The following LINGO2 variants were observed in gnomAD, a reference collection of about 807,000 sequenced individuals.
LINGO2 encodes leucine rich repeat and Ig domain containing 2.
A neutral mutation model predicts 30.6 loss-of-function variants in LINGO2; 14 were observed. The ratio of observed to expected loss-of-function variants is 0.46; its 90% confidence interval spans 0.30 to 0.72. The LOEUF is 0.72. Among genes scored for constraint, LINGO2 ranks in the 30% least tolerant of loss-of-function variants. The pLI, the probability that LINGO2 is intolerant of heterozygous loss-of-function variation, is 0.07. For synonymous variants in LINGO2, 317 were observed against 288.5 expected, an observed-to-expected ratio of 1.10 and a Z score of -1.00; for missense variants, 729 against 751.7, an observed-to-expected ratio of 0.97 and a Z score of 0.35.
At chr9:28,418,446 T>C (rs1192284592) in intron 2 of LINGO2, among the ~76,000 whole-genome samples, 1 of 151,906 alleles carries the variant, frequency 6.6e-6, no homozygotes, top group Admixed American at 6.6e-5. Context: ...GCCAGGCTAA[T>C]TTTTGCATTT....
chr9:28,021,384 GTTT>G (rs1823113625), intron 4 of LINGO2, among the ~76,000 whole-genome samples: 1 of 152,082 alleles, frequency 6.6e-6, no homozygotes, highest in Admixed American at 6.5e-5. Flanking sequence ...TCTTATTAAA[GTTT>G]TTGAGGTGTC....
intron 4 of LINGO2, among the ~76,000 whole-genome samples, chr9:28,213,350 G>A (rs1384241844): frequency 1.3e-5 from 2 of 151,462 alleles, no homozygotes; most frequent in African/African-American, 2.4e-5. Context: ...CTGATGTATT[G>A]AGCCAATCTT....
Position 28,148,328 on chromosome 9 carries a change from T to C in LINGO2, c.-86-135923A>G. The C allele has an allele frequency of 3.4e-6, 3 of 892,210 alleles. No individual in the cohort carries two copies. The highest frequency in any genetic ancestry group is 5.3e-6 in the Non-Finnish European group (3 of 560,872). The allele number at this position is 892,210 out of a possible 1,614,324, so 55.3% of individuals were successfully genotyped here. A position where few individuals can be genotyped will look rare whatever the true frequency, so the allele number is the denominator to read the frequency against. On this transcript the variant is annotated intron_variant, in intron 4 of 5. Coordinates refer to ENST00000379992, the Ensembl canonical transcript of LINGO2. The surrounding 1 kb of genome is among the most constrained non-coding windows in gnomAD (Gnocchi z 5.1). ...GCTGTCTGCTCACAACTCCAGGATG[T>C]TTGGACACCTCAGCCCCGTGAGGAT...
chr9:28,404,761 A>G (rs1157845210), intron 2 of LINGO2, among the ~76,000 whole-genome samples: 1 of 152,072 alleles, frequency 6.6e-6, no homozygotes, highest in Non-Finnish European at 1.5e-5. Flanking sequence ...TTGTGTAATC[A>G]TTTTTTGCCA....
chr9:28,767,451 T>C, the LINGO2 span, among the ~76,000 whole-genome samples: 1 of 152,126 alleles, frequency 6.6e-6, no homozygotes, highest in East Asian at 1.9e-4. Flanking sequence ...TATCCAAGTA[T>C]GCATCCTTAG....
intron 5 of LINGO2, among the ~76,000 whole-genome samples, chr9:28,006,891 A>T (rs1328886416): frequency 6.6e-6 from 1 of 151,500 alleles, no homozygotes; most frequent in Admixed American, 6.6e-5. Context: ...TGTAGAGAGC[A>T]GCTAATCCAC....
chr9:29,193,815 C>T, the LINGO2 span, among the ~76,000 whole-genome samples: 2 of 152,314 alleles, frequency 1.3e-5, no homozygotes, highest in East Asian at 3.9e-4. Flanking sequence ...CAACCACTCT[C>T]AGTTTGCTGA....
chr9:28,568,333 G>A (rs1823496157), intron 1 of LINGO2, among the ~76,000 whole-genome samples: 1 of 152,034 alleles, frequency 6.6e-6, no homozygotes, highest in African/African-American at 2.4e-5. Context: ...TGTGGGTAGA[G>A]GGTGGGGTGA....
At chr9:28,784,133 A>C in the LINGO2 span, among the ~76,000 whole-genome samples, 1 of 152,238 alleles carries the variant, frequency 6.6e-6, no homozygotes, top group African/African-American at 2.4e-5. Flanking sequence ...TTTTTAAAAA[A>C]TCAATGTTCT....
chr9:28,611,066 A>T (rs1007389043), intron 1 of LINGO2, among the ~76,000 whole-genome samples: 3 of 152,196 alleles, frequency 2.0e-5, no homozygotes, highest in South Asian at 4.1e-4. Context: ...GCTTCCTGAC[A>T]TAACAGTAGT....
rs1828807559 is a variant in LINGO2 at position 28,666,550 on chromosome 9, T to C, written c.-365+3650A>G. The stretch of plus-strand genomic sequence containing the variant: ...CAACTAAATAATTGTTAGGCTCTAG[T>C]TCAAGGTCAGTTAAATGGCAAAGCA... On this transcript the variant is annotated intron_variant, in intron 1 of 5. Coordinates refer to ENST00000379992, the Ensembl canonical transcript of LINGO2. Among the ~76,000 whole-genome samples the C allele has an allele frequency of 2.6e-5, 4 of 152,180 alleles. No individual in the cohort carries two copies. The South Asian group carries it at 8.3e-4, about 31-fold the overall frequency.
At chr9:28,362,625 C>T (rs369939791) in intron 3 of LINGO2, among the ~76,000 whole-genome samples, 8 of 151,980 alleles carry the variant, frequency 5.3e-5, no homozygotes, top group African/African-American at 9.7e-5. Flanking sequence ...CATGCATCAC[C>T]GCATTTGGCT....
chr9:28,600,888 C>A (rs144919518), intron 1 of LINGO2, among the ~76,000 whole-genome samples: 1 of 152,074 alleles, frequency 6.6e-6, no homozygotes, highest in Admixed American at 6.6e-5. Flanking sequence ...GATACCATGA[C>A]CTTGGCCACA....
intron 2 of LINGO2, among the ~76,000 whole-genome samples, chr9:28,419,439 G>A (rs537790787): frequency 2.4e-4 from 36 of 151,980 alleles, no homozygotes; most frequent in Admixed American, 2.1e-3. Flanking sequence ...AGATTCAGAG[G>A]GGTTATTTGC....
At chr9:28,940,256 T>G in the LINGO2 span, among the ~76,000 whole-genome samples, 23 of 152,198 alleles carry the variant, frequency 1.5e-4, no homozygotes, top group Admixed American at 2.6e-4. Context: ...TTCTACCCAG[T>G]GGAAAATGAG....
At chr9:27,962,407 G>A (rs554742876) in intron 5 of LINGO2, among the ~76,000 whole-genome samples, 1 of 152,176 alleles carries the variant, frequency 6.6e-6, no homozygotes, top group African/African-American at 2.4e-5. Context: ...ACTAAATCAT[G>A]GCCAAAACTG....
intron 1 of LINGO2, among the ~76,000 whole-genome samples, chr9:28,595,458 G>T (rs978779045): frequency 2.0e-5 from 3 of 151,954 alleles, no homozygotes; most frequent in Non-Finnish European, 4.4e-5. Flanking sequence ...ACACAAAGGT[G>T]CCCTTTGCAG....
intron 4 of LINGO2, among the ~76,000 whole-genome samples, chr9:28,051,664 C>T (rs1418978463): frequency 6.6e-6 from 1 of 152,008 alleles, no homozygotes; most frequent in Non-Finnish European, 1.5e-5. Flanking sequence ...CAAACCCTGC[C>T]TAGGATTAAG....
chr9:27,981,378 C>T (rs1258578774), intron 5 of LINGO2, among the ~76,000 whole-genome samples: 2 of 150,622 alleles, frequency 1.3e-5, no homozygotes, highest in East Asian at 3.9e-4. Context: ...TAATAAAAAG[C>T]GAAACATGAG....
Sources: gnomAD v4.1 joint callset for allele counts (sites outside exome capture counted in the v4.1 genomes callset) on GRCh38, gnomAD v4.1.1 for gene constraint, Gnocchi (gnomAD v3.1) non-coding constraint, MANE v1.5 for transcripts, NCBI Gene and HGNC (gene_info 2026-07-23, HGNC 2026-07-21) for gene names.